The following NAGA variants were observed in gnomAD, a reference collection of about 807,000 sequenced individuals.
The protein encoded by NAGA is alpha-N-acetylgalactosaminidase.
Under a neutral mutation model 45.6 loss-of-function variants are expected in NAGA, and 42 were observed. The ratio of observed to expected loss-of-function variants is 0.92; its 90% confidence interval spans 0.72 to 1.19. The LOEUF is 1.19. Among genes scored for constraint, NAGA ranks in the 50% most tolerant of loss-of-function variants. The probability of loss-of-function intolerance (pLI) is 0.00; values close to 1 mark genes in which losing one functional copy is unlikely to be tolerated. For missense variants in NAGA, 493 were observed against 544.8 expected (o/e 0.90, Z 0.95); for synonymous variants, 176 against 203.1 (o/e 0.87, Z 1.13).
chr22:42,070,386 T>A lies in NAGA; in HGVS notation c.-89A>T. 6.6e-7 allele frequency: 1 copy of A among 1,516,158 alleles called. No homozygotes were observed. The highest frequency in any genetic ancestry group is 9.2e-7 in the Non-Finnish European group (1 of 1,090,966). 93.9% of individuals were successfully genotyped at this position (1,516,158 alleles called of 1,614,324 possible). ...TGGGCTCTGGAAGCTAAGAAACGTC[T>A]GAAAAGCACTGGGGTCACGGCTGCC... On this transcript the variant is annotated 5_prime_UTR_variant, in exon 1 of 9. It introduces an in-frame stop codon into an upstream open reading frame of the 5' UTR. Coordinates refer to ENST00000396398, the MANE Select transcript of NAGA (RefSeq NM_000262.3).
intron 7 of NAGA, among the ~76,000 whole-genome samples, chr22:42,062,088 A>G (rs569653499): frequency 8.5e-5 from 13 of 152,268 alleles, no homozygotes; most frequent in African/African-American, 3.1e-4. Flanking sequence ...CAAGATAACT[A>G]CCTTGCTGAG....
rs1569458798 is a variant in NAGA at position 42,068,482 on chromosome 22, G to A, written c.109C>T (p.Arg37Cys). Reference sequence around the variant, plus strand: ...TCCTCATCACAGTTAATGTTGCAGCGGAAGCGTTCCCAGGCCAGCCAGCCC... The same window carrying A: ...TCCTCATCACAGTTAATGTTGCAGCAGAAGCGTTCCCAGGCCAGCCAGCCC... ...PMGWLAWERF[R>C]CNINCDEDPK... Residue 37 changes from arginine (R) to cysteine (C), a missense_variant, in exon 2 of 9, where the codon CGC (arginine) becomes TGC (cysteine). Arg to Cys is a radical substitution (Grantham distance 180). Transcript: ENST00000396398. The A allele has an allele frequency of 4.3e-6, 7 of 1,614,052 alleles. No individual in the cohort carries two copies. The highest frequency in any genetic ancestry group is 4.5e-5 in the East Asian group (2 of 44,900).
intron 5 of NAGA, 36 bp downstream of exon 5, chr22:42,066,674 G>T: frequency 6.4e-7 from 1 of 1,551,988 alleles, no homozygotes; most frequent in East Asian, 2.4e-5. Context: ...GCCTGGGTGT[G>T]GGAAGCGCCA....
chr22:42,065,615 C>T, intron 6 of NAGA, 123 bp downstream of exon 6: 1 of 1,322,602 alleles, frequency 7.6e-7, no homozygotes, highest in Admixed American at 1.9e-5. Flanking sequence ...TTCAGGGACA[C>T]ATTTCAGAAG....
intron 7 of NAGA, among the ~76,000 whole-genome samples, chr22:42,062,279 G>C (rs1926450856): frequency 6.6e-6 from 1 of 152,100 alleles, no homozygotes; most frequent in African/African-American, 2.4e-5. Flanking sequence ...TTCGAGACAA[G>C]CCTGGCCAAC....
chr22:42,065,662 G>C (rs757369539), intron 6 of NAGA, 76 bp downstream of exon 6: 1 of 1,592,596 alleles, frequency 6.3e-7, no homozygotes, highest in Non-Finnish European at 8.6e-7. Flanking sequence ...CTCCAAGAAG[G>C]AAGAAAGCAC....
chr22:42,063,031 G>T lies in NAGA; in HGVS notation c.760-7C>A, dbSNP rs150693978. 7.2e-4 allele frequency: 1,158 copies of T among 1,613,638 alleles called. 10 individuals are homozygous for T. In the East Asian group the frequency reaches 0.02, roughly 28 times the overall value. On this transcript the variant is annotated splice_region_variant and splice_polypyrimidine_tract_variant and intron_variant, in intron 6 of 8. Transcript: ENST00000396398. ...CAAAGTTCCCAATGAGCAGCTGGGG[G>T]CAGAGAAGAGGAGTAGTCAGCTCTC... is the stretch of plus-strand genomic sequence containing the variant.
Position 42,070,394 on chromosome 22 carries a change from A to C in NAGA, c.-97T>G. The C allele has an allele frequency of 1.4e-6, 2 of 1,477,328 alleles. No individual in the cohort carries two copies. The highest frequency in any genetic ancestry group is 1.9e-6 in the Non-Finnish European group (2 of 1,055,774). 91.5% of individuals were successfully genotyped at this position (1,477,328 alleles called of 1,614,324 possible). On this transcript the variant is annotated 5_prime_UTR_variant, in exon 1 of 9. Transcript: ENST00000396398. ...GGAAGCTAAGAAACGTCTGAAAAGC[A>C]CTGGGGTCACGGCTGCCTGGCTAGC...
At position 42,062,807 on chromosome 22, in the gene NAGA, T is replaced by A; in HGVS notation, c.957+20A>T. 6.2e-7 allele frequency: 1 copy of A among 1,612,480 alleles called. No individual in the cohort carries two copies. The highest frequency in any genetic ancestry group is 8.5e-7 in the Non-Finnish European group (1 of 1,178,508). ...CCCAGTTCCTCAGCCCTCCCCTTCC[T>A]TCCCTCCACACCCTAGTACCTTGTG... On this transcript the variant is annotated intron_variant, in intron 7 of 8. Coordinates refer to ENST00000396398, the MANE Select transcript of NAGA (RefSeq NM_000262.3).
chr22:42,066,450 T>C (rs1265108949), intron 5 of NAGA, among the ~76,000 whole-genome samples: 1 of 152,012 alleles, frequency 6.6e-6, no homozygotes, highest in Admixed American at 6.6e-5. Context: ...TGATGCCAAC[T>C]CCTTCAGCCC....
rs202010344 is a variant in NAGA at position 42,067,842 on chromosome 22, C to T, written c.247G>A (p.Gly83Ser). ...AGGCGGCCACTGGCATCGCGACCACCGATCCAGCAGTCATCAATGTTGAGG... is the reference window on the plus strand; with the variant it reads ...AGGCGGCCACTGGCATCGCGACCACTGATCCAGCAGTCATCAATGTTGAGG... ...TYLNIDDCWI[G>S]GRDASGRLMP... is the part of the protein sequence containing the mutation. The change falls in exon 3 of 9, where the codon GGT (glycine) becomes AGT (serine). Residue 83 changes from glycine to serine, a missense_variant. Gly to Ser is a moderately conservative substitution (Grantham distance 56, BLOSUM62 0). Coordinates refer to ENST00000396398, the MANE Select transcript of NAGA (RefSeq NM_000262.3). The T allele has an allele frequency of 3.3e-5, 53 of 1,612,856 alleles. No homozygotes were observed. Among genetic ancestry groups the T allele is most frequent in the Admixed American group, 5.0e-5 (3 of 60,028 alleles).
At chr22:42,063,170 C>T in intron 6 of NAGA, 146 bp from the exon 7 acceptor site, 1 of 804,890 alleles carries the variant, frequency 1.2e-6, no homozygotes, top group East Asian at 2.7e-5. Context: ...CAGCAAACAC[C>T]ATTCCCTAGC....
rs1176314589 is a variant in NAGA, at chr22:42,067,869, A to G, written c.220T>C (p.Tyr74His). 1.2e-6 allele frequency: 2 copies of G among 1,613,546 alleles called. No homozygotes were observed. Among genetic ancestry groups the G allele is most frequent in the African/African-American group, 1.3e-5 (1 of 74,912 alleles). ...ATCCAGCAGTCATCAATGTTGAGGT[A>G]TGTGTAGCCCATGTCCCGCCATCCA... Reference protein sequence around the residue: ...QDGWRDMGYTYLNIDDCWIGG... With the variant: ...QDGWRDMGYTHLNIDDCWIGG... Residue 74 changes from tyrosine (Y) to histidine (H), a missense_variant, in exon 3 of 9, where the codon TAC becomes CAC. Physicochemically the swap from Tyr to His is moderately conservative, Grantham distance 83 (BLOSUM62 2). Coordinates refer to ENST00000396398, the MANE Select transcript of NAGA (RefSeq NM_000262.3).
intron 7 of NAGA, among the ~76,000 whole-genome samples, chr22:42,062,398 A>G (rs989992634): frequency 2.0e-5 from 3 of 152,132 alleles, no homozygotes; most frequent in Admixed American, 6.6e-5. Flanking sequence ...CCTGGCAGGT[A>G]GAGATTGCAG....
At chr22:42,065,136 C>T (rs767679561) in intron 6 of NAGA, among the ~76,000 whole-genome samples, 1 of 152,230 alleles carries the variant, frequency 6.6e-6, no homozygotes, top group Non-Finnish European at 1.5e-5. Flanking sequence ...CCAGTTCCTG[C>T]TCCTCCAGGT....
chr22:42,065,726 C>G lies in NAGA; in HGVS notation c.759+12G>C, dbSNP rs1926683744. On this transcript the variant is annotated intron_variant, in intron 6 of 8. Transcript: ENST00000396398. ...ATGGTGGGCCTAGGGACATCCCCCTCCATCCTGGTACCATGTCAGGGTCAT... is the reference window on the plus strand; with the variant it reads ...ATGGTGGGCCTAGGGACATCCCCCTGCATCCTGGTACCATGTCAGGGTCAT... 1 of 1,613,580 alleles carries G rather than the reference C, an allele frequency of 6.2e-7. No homozygotes were observed. Among genetic ancestry groups the G allele is most frequent in the Non-Finnish European group, 8.5e-7 (1 of 1,180,006 alleles).
At chr22:42,064,707 C>T (rs900043603) in intron 6 of NAGA, among the ~76,000 whole-genome samples, 6 of 152,088 alleles carry the variant, frequency 3.9e-5, no homozygotes, top group Middle Eastern at 3.4e-3. Flanking sequence ...GGTAATATGC[C>T]CTGGCTACAT....
At chr22:42,066,645 G>T (rs1926747144) in intron 5 of NAGA, 65 bp downstream of exon 5, 20 of 1,451,716 alleles carry the variant, frequency 1.4e-5, no homozygotes, top group Non-Finnish European at 1.8e-5. Context: ...CTGAAGCCTG[G>T]CACTCAGGAG....
intron 7 of NAGA, among the ~76,000 whole-genome samples, chr22:42,062,324 G>C (rs987542188): frequency 3.3e-5 from 5 of 152,112 alleles, no homozygotes; most frequent in African/African-American, 1.2e-4. Context: ...AAATTAGCTG[G>C]GTGTGGTGGC....
Sources: gnomAD v4.1 joint callset for allele counts (sites outside exome capture counted in the v4.1 genomes callset) on GRCh38, gnomAD v4.1.1 for gene constraint, MANE v1.5 for transcripts, NCBI Gene and HGNC (gene_info 2026-07-23, HGNC 2026-07-21) for gene names.